The following PTPRK variants were observed in gnomAD, a reference collection of about 807,000 sequenced individuals.
The protein encoded by PTPRK is protein tyrosine phosphatase receptor type K.
A neutral mutation model predicts 178.0 loss-of-function variants in PTPRK; 75 were observed. The observed-to-expected ratio is 0.42, with a 90% CI of 0.35 to 0.51. PTPRK has a LOEUF of 0.51. Among genes scored for constraint, PTPRK ranks in the 20% least tolerant of loss-of-function variants. PTPRK has a pLI of 0.02. For synonymous variants in PTPRK, 637 were observed against 620.6 expected, an observed-to-expected ratio of 1.03 and a Z score of -0.39; for missense variants, 1,441 against 1,797.8, an observed-to-expected ratio of 0.80 and a Z score of 3.59.
chr6:128,445,200 TTA>T (rs779511665), intron 1 of PTPRK, among the ~76,000 whole-genome samples: 2,998 of 132,038 alleles, frequency 0.023, 39 homozygotes, highest in Non-Finnish European at 0.026. Flanking sequence ...ACTATTTTAT[TTA>T]TATATATATA....
intron 3 of PTPRK, among the ~76,000 whole-genome samples, chr6:128,249,134 T>C (rs1816016807): frequency 6.6e-6 from 1 of 150,510 alleles, no homozygotes; most frequent in Non-Finnish European, 1.5e-5. Flanking sequence ...AAAGAAGGAG[T>C]GGTTGAAGTC....
rs111704105 is a variant in PTPRK at position 127,991,184 on chromosome 6, C to T, written c.2979+110G>A. On this transcript the variant is annotated intron_variant, in intron 20 of 29. Coordinates refer to ENST00000368226, the MANE Select transcript of PTPRK (RefSeq NM_002844.4). Reference sequence around the variant, plus strand: ...AGAAGTACTCAACTAAAATGTTGTGCCTATAATTTTTTTTAAACAATTGGA... The same window carrying T: ...AGAAGTACTCAACTAAAATGTTGTGTCTATAATTTTTTTTAAACAATTGGA... The T allele has an allele frequency of 3.6e-3, 2,803 of 776,928 alleles. 67 individuals are homozygous for T. In the African/African-American group the frequency reaches 0.045, roughly 12 times the overall value. 48.1% of individuals were successfully genotyped at this position (776,928 alleles called of 1,614,324 possible). A position where few individuals can be genotyped will look rare whatever the true frequency, so the allele number is the denominator to read the frequency against.
Position 128,520,539 on chromosome 6 carries a change from A to C in PTPRK, c.-181T>G, listed in dbSNP as rs1858904117. On this transcript the variant is annotated 5_prime_UTR_variant, in exon 1 of 30. Coordinates refer to ENST00000368226, the MANE Select transcript of PTPRK (RefSeq NM_002844.4). The stretch of plus-strand genomic sequence containing the variant: ...CTACCTCAGGGGCGAAAGCGTCGCC[A>C]GCGTCGCCGGCCGGCCGCGGCGGCA... 1.7e-5 allele frequency: 10 copies of C among 592,476 alleles called. No individual in the cohort carries two copies. Among genetic ancestry groups the C allele is most frequent in the Non-Finnish European group, 2.7e-5 (9 of 331,550 alleles). 36.7% of individuals were successfully genotyped at this position (592,476 alleles called of 1,614,324 possible). A position where few individuals can be genotyped will look rare whatever the true frequency, so the allele number is the denominator to read the frequency against.
At chr6:128,315,797 A>C (rs1279854173) in intron 3 of PTPRK, among the ~76,000 whole-genome samples, 1 of 152,188 alleles carries the variant, frequency 6.6e-6, no homozygotes, top group Non-Finnish European at 1.5e-5. Flanking sequence ...CCACAGCACA[A>C]AAGTTAAATT....
Position 128,005,993 on chromosome 6 carries a change from C to T in PTPRK, c.2334-749G>A, listed in dbSNP as rs150033426. On this transcript the variant is annotated intron_variant, in intron 14 of 29. Coordinates refer to ENST00000368226, the MANE Select transcript of PTPRK (RefSeq NM_002844.4). ...AAAGGGATACTGCATCCTTAACACA[C>T]GTAAAGTTGTACATCACCCATTTTC... is the stretch of plus-strand genomic sequence containing the variant. 2,383 of 1,494,140 alleles carry T rather than the reference C, an allele frequency of 1.6e-3. 36 individuals carry two copies. In the Admixed American group the frequency reaches 0.028, roughly 17 times the overall value. The allele number at this position is 1,494,140 out of a possible 1,614,324, so 92.6% of individuals were successfully genotyped here.
chr6:128,143,465 A>G (rs1194138038), intron 7 of PTPRK, among the ~76,000 whole-genome samples: 1 of 152,172 alleles, frequency 6.6e-6, no homozygotes, highest in Non-Finnish European at 1.5e-5. Flanking sequence ...TGTGACCTGC[A>G]TTAAGTCTGA....
At chr6:128,477,688 A>G (rs992353405) in intron 1 of PTPRK, among the ~76,000 whole-genome samples, 12 of 152,186 alleles carry the variant, frequency 7.9e-5, no homozygotes, top group African/African-American at 2.9e-4. Flanking sequence ...ATTCAAAAAG[A>G]CTAAGAAATG....
chr6:128,011,682 G>A (rs889795557), intron 13 of PTPRK, among the ~76,000 whole-genome samples: 1 of 151,048 alleles, frequency 6.6e-6, no homozygotes, highest in African/African-American at 2.4e-5. Context: ...AGGGTGATGG[G>A]TAAAACAATT....
At chr6:128,159,828 C>T (rs1178741107) in intron 7 of PTPRK, among the ~76,000 whole-genome samples, 4 of 151,484 alleles carry the variant, frequency 2.6e-5, no homozygotes, top group Non-Finnish European at 5.9e-5. Context: ...ACTTCCATGG[C>T]AATAGATTGT....
At chr6:127,983,161 G>A in intron 23 of PTPRK, 81 bp downstream of exon 23, 1 of 1,360,518 alleles carries the variant, frequency 7.4e-7, no homozygotes, top group South Asian at 1.5e-5. Flanking sequence ...GTTGAGTAGA[G>A]TATATATGAG....
At chr6:128,245,977 T>C (rs745801167) in intron 3 of PTPRK, among the ~76,000 whole-genome samples, 1 of 152,220 alleles carries the variant, frequency 6.6e-6, no homozygotes, top group Middle Eastern at 3.4e-3. Flanking sequence ...ATAATATGAA[T>C]ATAATACAGC....
intron 1 of PTPRK, among the ~76,000 whole-genome samples, chr6:128,494,972 C>T (rs1854443791): frequency 6.6e-6 from 1 of 152,204 alleles, no homozygotes; most frequent in Non-Finnish European, 1.5e-5. Context: ...AAACAAAAAT[C>T]TCAGTTCTCA....
intron 2 of PTPRK, among the ~76,000 whole-genome samples, chr6:128,388,415 G>A (rs1839076126): frequency 6.6e-6 from 1 of 152,144 alleles, no homozygotes. Context: ...CACTGAATGA[G>A]CCAACTCTGG....
chr6:128,374,947 T>C (rs1260188589), intron 2 of PTPRK, among the ~76,000 whole-genome samples: 1 of 152,074 alleles, frequency 6.6e-6, no homozygotes, highest in Non-Finnish European at 1.5e-5. Context: ...GTTCAAGGAC[T>C]TTCCACTTGC....
intron 3 of PTPRK, among the ~76,000 whole-genome samples, chr6:128,305,716 A>C (rs1826270201): frequency 6.6e-6 from 1 of 152,210 alleles, no homozygotes; most frequent in Non-Finnish European, 1.5e-5. Context: ...TAATAAAATT[A>C]ATAGCATCCT....
intron 1 of PTPRK, among the ~76,000 whole-genome samples, chr6:128,456,083 A>C (rs1848350396): frequency 6.6e-6 from 1 of 152,056 alleles, no homozygotes; most frequent in South Asian, 2.1e-4. Context: ...CGGGCTCCTC[A>C]AAACAGATAA....
chr6:128,123,443 T>C (rs533356482), intron 7 of PTPRK, among the ~76,000 whole-genome samples: 14 of 152,336 alleles, frequency 9.2e-5, no homozygotes, highest in African/African-American at 3.4e-4. Context: ...GGCCTGCATG[T>C]ACACAGGCTC....
At chr6:128,080,409 T>C (rs767162950) in intron 10 of PTPRK, among the ~76,000 whole-genome samples, 6 of 151,992 alleles carry the variant, frequency 3.9e-5, no homozygotes, top group African/African-American at 1.2e-4. Context: ...AAGATAGATA[T>C]AGAAATGCAG....
At chr6:128,095,676 A>T (rs1787794129) in intron 7 of PTPRK, among the ~76,000 whole-genome samples, 1 of 152,192 alleles carries the variant, frequency 6.6e-6, no homozygotes, top group African/African-American at 2.4e-5. Context: ...GTTTTCATAT[A>T]CTTGAAGAAC....
Sources: gnomAD v4.1 joint callset for allele counts (sites outside exome capture counted in the v4.1 genomes callset) on GRCh38, gnomAD v4.1.1 for gene constraint, MANE v1.5 for transcripts, NCBI Gene and HGNC (gene_info 2026-07-23, HGNC 2026-07-21) for gene names.